The following ARSB variants were observed in gnomAD, a reference collection of about 807,000 sequenced individuals.
ARSB encodes the protein arylsulfatase B.
A neutral mutation model predicts 50.9 loss-of-function variants in ARSB; 41 were observed. The ratio of observed to expected loss-of-function variants is 0.81; its 90% CI spans 0.63 to 1.04. ARSB has a LOEUF of 1.04. Among genes scored for constraint, ARSB ranks in the 50% least tolerant of loss-of-function variants. The pLI is 0.00. For missense variants in ARSB, 672 were observed against 693.3 expected, an observed-to-expected ratio of 0.97 and a Z score of 0.35; for synonymous variants, 269 against 284.8, an observed-to-expected ratio of 0.94 and a Z score of 0.56.
At chr5:78,936,188 T>C (rs1249793643) in intron 4 of ARSB, among the ~76,000 whole-genome samples, 4 of 142,728 alleles carry the variant, frequency 2.8e-5, no homozygotes, top group African/African-American at 1.0e-4. Context: ...GCAGTGGCGC[T>C]ATCTCAGCTC....
chr5:78,787,114 CTATCTATCTATCTATCTATCTATA>C (rs1749103964), intron 6 of ARSB, among the ~76,000 whole-genome samples: 1 of 151,550 alleles, frequency 6.6e-6, no homozygotes, highest in Non-Finnish European at 1.5e-5. Context: ...ATCTATCTAT[CTATCTATCTATCTATCTATCTATA>C]TAGATACAGG....
intron 4 of ARSB, among the ~76,000 whole-genome samples, chr5:78,900,732 C>A (rs938398304): frequency 6.6e-6 from 1 of 152,136 alleles, no homozygotes; most frequent in Non-Finnish European, 1.5e-5. Flanking sequence ...TTCATGCCCT[C>A]TTCCTTCACC....
intron 4 of ARSB, among the ~76,000 whole-genome samples, chr5:78,922,203 G>T (rs551163004): frequency 6.6e-5 from 10 of 151,048 alleles, no homozygotes; most frequent in Admixed American, 4.0e-4. Flanking sequence ...TGGATTTGGT[G>T]GGGGGGGAGG....
At chr5:78,794,700 G>A (rs1743117580) in intron 6 of ARSB, among the ~76,000 whole-genome samples, 1 of 152,156 alleles carries the variant, frequency 6.6e-6, no homozygotes, top group Non-Finnish European at 1.5e-5. Context: ...TACCCTGTCT[G>A]TCTCACTGCT....
chr5:78,877,376 C>A (rs544843736), intron 5 of ARSB, among the ~76,000 whole-genome samples: 45 of 152,158 alleles, frequency 3.0e-4, no homozygotes, highest in African/African-American at 1.0e-3. Context: ...AAGCCAGAAG[C>A]TTTATTTTTA....
chr5:78,865,335 T>C (rs1323263507), intron 5 of ARSB, among the ~76,000 whole-genome samples: 1 of 152,174 alleles, frequency 6.6e-6, no homozygotes, highest in Non-Finnish European at 1.5e-5. Context: ...GCTTACACCC[T>C]CTGAAACCAT....
At chr5:78,805,754 C>T (rs561865917) in intron 6 of ARSB, among the ~76,000 whole-genome samples, 4 of 152,328 alleles carry the variant, frequency 2.6e-5, no homozygotes, top group Non-Finnish European at 4.4e-5. Context: ...TTTTGATTAT[C>T]ATCGACTGAG....
At chr5:78,847,531 T>C (rs1745501139) in intron 5 of ARSB, among the ~76,000 whole-genome samples, 1 of 152,232 alleles carries the variant, frequency 6.6e-6, no homozygotes, top group South Asian at 2.1e-4. Context: ...TTTTCTTTTC[T>C]TGTTGTATCT....
intron 5 of ARSB, among the ~76,000 whole-genome samples, chr5:78,848,917 G>GTTTT (rs939234679): frequency 6.6e-6 from 1 of 151,182 alleles, no homozygotes. Flanking sequence ...TGATGGCGTT[G>GTTTT]TTTTTTCTCG....
intron 6 of ARSB, among the ~76,000 whole-genome samples, chr5:78,806,991 C>T (rs1367850734): frequency 1.3e-5 from 2 of 152,250 alleles, no homozygotes; most frequent in Non-Finnish European, 2.9e-5. Context: ...TTCCTGCAAC[C>T]ATATCTGTGG....
At chr5:78,884,081 C>G (rs1747890143) in intron 5 of ARSB, 1 of 152,112 alleles carries the variant, frequency 6.6e-6, no homozygotes, top group African/African-American at 2.4e-5. Context: ...TGCAGTGGAT[C>G]TGTATTGGAA....
chr5:78,928,305 CTTT>C (rs34737292), intron 4 of ARSB, among the ~76,000 whole-genome samples: 3,383 of 72,452 alleles, frequency 0.047, 640 homozygotes, highest in African/African-American at 0.12. Flanking sequence ...TTTGCTTTTG[CTTT>C]TTTTTTTTTT....
At position 78,893,846 on chromosome 5, in the gene ARSB, C is replaced by T. The variant is rs540248495; in HGVS notation, c.899-8019G>A. ...TTGATGTATTAAGCGAGTAAAAGTA[C>T]CAAATATTTGGTCTGTCCTTTTTAA... On this transcript the variant is annotated intron_variant, in intron 4 of 7. Transcript: ENST00000264914. Among the ~76,000 whole-genome samples the T allele has an allele frequency of 3.3e-4, 50 of 152,258 alleles. 1 individual carries two copies. The South Asian group carries it at 8.9e-3, about 27-fold the overall frequency.
chr5:78,859,810 T>C (rs961737977), intron 5 of ARSB, among the ~76,000 whole-genome samples: 1 of 151,968 alleles, frequency 6.6e-6, no homozygotes, highest in African/African-American at 2.4e-5. Flanking sequence ...CTTTCCTCTC[T>C]ATGTCCACCC....
intron 5 of ARSB, among the ~76,000 whole-genome samples, chr5:78,861,664 T>C (rs1269047183): frequency 6.6e-6 from 1 of 152,184 alleles, no homozygotes; most frequent in Non-Finnish European, 1.5e-5. Flanking sequence ...TCATACTGAA[T>C]GGGCAAAAAC....
intron 4 of ARSB, among the ~76,000 whole-genome samples, chr5:78,930,207 C>T (rs1049935357): frequency 1.3e-5 from 2 of 152,194 alleles, no homozygotes; most frequent in Non-Finnish European, 2.9e-5. Context: ...TCAGCGCAAA[C>T]ACAGCACTCC....
At chr5:78,903,155 A>G (rs1049432430) in intron 4 of ARSB, among the ~76,000 whole-genome samples, 2 of 152,216 alleles carry the variant, frequency 1.3e-5, no homozygotes, top group African/African-American at 4.8e-5. Context: ...CAGAGGGGGA[A>G]TAAGCAGTGG....
rs118203939 is a variant in ARSB, at chr5:78,969,156, A to G, written c.349T>C (p.Cys117Arg). The change falls in exon 2 of 8, where the codon TGT becomes CGT. Residue 117 changes from cysteine to arginine, a missense_variant. Transcript: ENST00000264914. The part of the protein sequence containing the change: ...TGLQHQIIWP[C>R]QPSCVPLDEK... ...TCCAGAGGAACACAGCTGGGCTGAC[A>G]GGGCCAGATTATTTGGTGCTGTAAA... 2.5e-6 allele frequency: 4 copies of G among 1,614,188 alleles called. No individual in the cohort carries two copies. The highest frequency in any genetic ancestry group is 3.4e-6 in the Non-Finnish European group (4 of 1,180,032).
intron 4 of ARSB, among the ~76,000 whole-genome samples, chr5:78,941,619 C>A (rs1338817776): frequency 1.3e-5 from 2 of 152,136 alleles, no homozygotes; most frequent in Non-Finnish European, 2.9e-5. Context: ...GCCTTGCATC[C>A]CAGGGATGAA....
Sources: gnomAD v4.1 joint callset for allele counts (sites outside exome capture counted in the v4.1 genomes callset) on GRCh38, gnomAD v4.1.1 for gene constraint, MANE v1.5 for transcripts, NCBI Gene and HGNC (gene_info 2026-07-23, HGNC 2026-07-21) for gene names.